The following FBXW11 variants were observed in gnomAD, a reference collection of about 807,000 sequenced individuals.
FBXW11 encodes the protein F-box and WD repeat domain containing 11.
In FBXW11, 19 loss-of-function variants were observed where a neutral mutation model predicts 77.6. That is an observed-to-expected ratio of 0.24 (90% CI 0.17 to 0.36). The LOEUF (loss-of-function observed/expected upper bound fraction) is 0.36, where lower values mean the gene tolerates loss of function less well. FBXW11 is among the 10% of genes least tolerant of loss of function. FBXW11 has a pLI of 1.00. For synonymous variants in FBXW11, 235 were observed against 249.4 expected (o/e 0.94, Z 0.54); for missense variants, 334 against 704.2 (o/e 0.47, Z 5.95).
At chr5:171,962,640 A>G (rs1459097462) in intron 1 of FBXW11, among the ~76,000 whole-genome samples, 2 of 152,190 alleles carry the variant, frequency 1.3e-5, no homozygotes, top group Admixed American at 6.5e-5. Context: ...CTCTTTTGGC[A>G]TTTTTCAAAA....
chr5:171,930,760 A>AT (rs1306941831), intron 2 of FBXW11, among the ~76,000 whole-genome samples: 7 of 67,700 alleles, frequency 1.0e-4, no homozygotes, highest in African/African-American at 3.6e-4. Context: ...AAAATAAAAA[A>AT]ATAAAAAAAA....
chr5:171,892,947 T>C (rs1759453220), intron 6 of FBXW11, among the ~76,000 whole-genome samples: 1 of 152,208 alleles, frequency 6.6e-6, no homozygotes, highest in Admixed American at 6.5e-5. Context: ...TATTTCTTCT[T>C]ATTTTGAAGA....
In FBXW11 at chr5:172,006,609, T is replaced by G; in HGVS notation, c.-107A>C. 7.6e-7 allele frequency: 1 copy of G among 1,320,696 alleles called. No individual in the cohort carries two copies. The highest frequency in any genetic ancestry group is 9.7e-7 in the Non-Finnish European group (1 of 1,033,918). 81.8% of individuals were successfully genotyped at this position (1,320,696 alleles called of 1,614,324 possible). On this transcript the variant is annotated 5_prime_UTR_variant, in exon 1 of 14. Transcript: ENST00000517395. ...AGGCGGAGGCGGCTATCGCACCCACTCTAGCTGCCAGCCCGCCCGGGCCGC... is the reference window on the plus strand; with the variant it reads ...AGGCGGAGGCGGCTATCGCACCCACGCTAGCTGCCAGCCCGCCCGGGCCGC...
chr5:171,896,375 T>C (rs1045642696), intron 6 of FBXW11, among the ~76,000 whole-genome samples: 3 of 152,200 alleles, frequency 2.0e-5, no homozygotes, highest in Non-Finnish European at 4.4e-5. Flanking sequence ...CATTTATCTT[T>C]CTGCAATGTG....
intron 2 of FBXW11, among the ~76,000 whole-genome samples, chr5:171,949,305 T>G (rs1022194299): frequency 6.6e-6 from 1 of 152,050 alleles, no homozygotes; most frequent in African/African-American, 2.4e-5. Flanking sequence ...GCATATGATA[T>G]CAAATCAATG....
chr5:171,991,414 T>C lies in FBXW11; in HGVS notation c.45+15044A>G, dbSNP rs1351945538. 3.3e-5 allele frequency among the ~76,000 whole-genome samples: 5 copies of C among 152,196 alleles called. No individual in the cohort carries two copies. In the East Asian group the frequency reaches 9.6e-4, roughly 29 times the overall value. On this transcript the variant is annotated intron_variant, in intron 1 of 13. Transcript: ENST00000517395. Reference sequence around the variant, plus strand: ...AACACCACTAATTTTTACTCCAGCATTGGAACAGTTCACAGTTTCTTCAAC... The same window carrying C: ...AACACCACTAATTTTTACTCCAGCACTGGAACAGTTCACAGTTTCTTCAAC...
chr5:171,963,958 T>C (rs1764048161), intron 1 of FBXW11, among the ~76,000 whole-genome samples: 1 of 152,194 alleles, frequency 6.6e-6, no homozygotes, highest in African/African-American at 2.4e-5. Flanking sequence ...GTTAAATTCC[T>C]TTAAGTGAGA....
intron 6 of FBXW11, among the ~76,000 whole-genome samples, chr5:171,893,735 CCA>C (rs1489210581): frequency 6.6e-6 from 1 of 152,036 alleles, no homozygotes; most frequent in Non-Finnish European, 1.5e-5. Flanking sequence ...CTCTGGGGGC[CCA>C]CAGAGTTGCT....
chr5:171,986,830 G>T (rs960754101), intron 1 of FBXW11, among the ~76,000 whole-genome samples: 6 of 152,174 alleles, frequency 3.9e-5, no homozygotes, highest in African/African-American at 1.4e-4. Context: ...ATAAAGCAGG[G>T]ATCCCCAACC....
chr5:171,877,362 C>T (rs533882108), intron 8 of FBXW11, among the ~76,000 whole-genome samples: 82 of 152,244 alleles, frequency 5.4e-4, no homozygotes, highest in African/African-American at 1.8e-3. Flanking sequence ...ATCAGTTATC[C>T]ACTGCAAACT....
At chr5:171,903,173 T>C (rs906464729) in intron 4 of FBXW11, among the ~76,000 whole-genome samples, 2 of 152,186 alleles carry the variant, frequency 1.3e-5, no homozygotes, top group African/African-American at 4.8e-5. Flanking sequence ...CATGGCTCAC[T>C]GCCACCTCAA....
At chr5:171,892,514 T>C (rs546356388) in intron 6 of FBXW11, among the ~76,000 whole-genome samples, 9 of 152,326 alleles carry the variant, frequency 5.9e-5, no homozygotes, top group Non-Finnish European at 8.8e-5. Context: ...GCCTGCCTCT[T>C]GCGGCAGTGC....
chr5:171,965,179 A>T (rs1193996354), intron 1 of FBXW11, among the ~76,000 whole-genome samples: 1 of 152,182 alleles, frequency 6.6e-6, no homozygotes, highest in East Asian at 1.9e-4. Flanking sequence ...CACCACTATA[A>T]TTTTTTTAAT....
chr5:171,951,768 G>A (rs1763331143), intron 2 of FBXW11, among the ~76,000 whole-genome samples: 1 of 151,986 alleles, frequency 6.6e-6, no homozygotes, highest in African/African-American at 2.4e-5. Flanking sequence ...ATCATGCCTG[G>A]CCTTTATTTT....
chr5:171,961,612 G>C (rs1763913375), intron 1 of FBXW11, among the ~76,000 whole-genome samples: 1 of 151,996 alleles, frequency 6.6e-6, no homozygotes, highest in Non-Finnish European at 1.5e-5. Flanking sequence ...ATCAACCTAA[G>C]AGCATTAAAT....
intron 1 of FBXW11, among the ~76,000 whole-genome samples, chr5:171,983,192 A>G (rs892366208): frequency 6.6e-6 from 1 of 152,110 alleles, no homozygotes; most frequent in Non-Finnish European, 1.5e-5. Flanking sequence ...TCTCAAAAAC[A>G]AAACAAAACA....
chr5:171,987,314 A>T (rs796313067), intron 1 of FBXW11, among the ~76,000 whole-genome samples: 9 of 152,334 alleles, frequency 5.9e-5, no homozygotes, highest in African/African-American at 2.2e-4. Flanking sequence ...TGTCTCCCAG[A>T]TAGACAACAA....
chr5:171,986,412 T>C (rs977238152), intron 1 of FBXW11, among the ~76,000 whole-genome samples: 4 of 147,586 alleles, frequency 2.7e-5, no homozygotes, highest in African/African-American at 1.0e-4. Flanking sequence ...CAAAAACAAA[T>C]AATAAATAAA....
chr5:171,872,522 C>G (rs1757815749), intron 10 of FBXW11, among the ~76,000 whole-genome samples: 1 of 152,112 alleles, frequency 6.6e-6, no homozygotes, highest in East Asian at 1.9e-4. Context: ...AAGTACACTC[C>G]CATGTGTTAG....
Sources: allele counts gnomAD v4.1 joint callset (sites outside exome capture counted in the v4.1 genomes callset), GRCh38; gene constraint gnomAD v4.1.1; transcripts MANE v1.5; gene names NCBI Gene and HGNC (gene_info 2026-07-23, HGNC 2026-07-21).